The following TOR1AIP2 variants were observed in gnomAD, a reference collection of about 807,000 sequenced individuals.
The protein encoded by TOR1AIP2 is torsin 1A interacting protein 2.
TOR1AIP2 carries 20 observed loss-of-function variants against 32.6 expected under a neutral mutation model. That is an observed-to-expected ratio of 0.61 (90% confidence interval 0.43 to 0.89). TOR1AIP2 has a LOEUF of 0.89. TOR1AIP2 is among the 40% of genes least tolerant of loss of function. TOR1AIP2 has a pLI of 0.00. For synonymous variants in TOR1AIP2, 214 were observed against 210.8 expected (o/e 1.02, Z -0.13); for missense variants, 456 against 553.8 (o/e 0.82, Z 1.77).
At chr1:179,862,962 C>G (rs1030706431) in intron 3 of TOR1AIP2, 5 of 150,866 alleles carry the variant, frequency 3.3e-5, no homozygotes, top group Admixed American at 2.0e-4. Flanking sequence ...CACAGTGGCT[C>G]ATGCCTGTAA....
At chr1:179,871,009 A>G (rs1558029042) in intron 2 of TOR1AIP2, among the ~76,000 whole-genome samples, 1 of 152,256 alleles carries the variant, frequency 6.6e-6, no homozygotes, top group Admixed American at 6.5e-5. Flanking sequence ...CAGGACTTCT[A>G]GATGTCTAGG....
At chr1:179,857,218 G>A (rs978011196) in intron 3 of TOR1AIP2, among the ~76,000 whole-genome samples, 1 of 152,192 alleles carries the variant, frequency 6.6e-6, no homozygotes, top group African/African-American at 2.4e-5. Flanking sequence ...TGCTCTATAC[G>A]TGGCGGTTAT....
chr1:179,860,639 T>C, intron 3 of TOR1AIP2: 1 of 985,084 alleles, frequency 1.0e-6, no homozygotes, highest in Non-Finnish European at 1.2e-6. Flanking sequence ...CAGTATGAGG[T>C]AGGTATTATT....
At chr1:179,859,341 G>C (rs1334757929) in intron 3 of TOR1AIP2, 1 of 923,968 alleles carries the variant, frequency 1.1e-6, no homozygotes, top group Non-Finnish European at 1.3e-6. Context: ...ATACAGAAAA[G>C]TTAAGAACGT....
chr1:179,855,355 AAG>A (rs1407327263), intron 3 of TOR1AIP2, among the ~76,000 whole-genome samples: 1 of 152,236 alleles, frequency 6.6e-6, no homozygotes, highest in African/African-American at 2.4e-5. Context: ...AGAACACATA[AAG>A]AATTCCACAA....
In TOR1AIP2 at chr1:179,862,359, A is replaced by G. The variant is rs117982259; in HGVS notation, c.-147+3077T>C. 29 of 985,350 alleles carry G rather than the reference A, an allele frequency of 2.9e-5. No homozygotes were observed. In the East Asian group the frequency reaches 3.2e-3, roughly 108 times the overall value. 61.0% of individuals were successfully genotyped at this position (985,350 alleles called of 1,614,324 possible). A position where few individuals can be genotyped will look rare whatever the true frequency, so the allele number is the denominator to read the frequency against. ...TCTCGAAAGCACTCTCTCAAAGTAAATTTTCACTTTTTAGGAGGAGTTGTA... is the reference window on the plus strand; with the variant it reads ...TCTCGAAAGCACTCTCTCAAAGTAAGTTTTCACTTTTTAGGAGGAGTTGTA... On this transcript the variant is annotated intron_variant, in intron 3 of 6. Coordinates refer to ENST00000609928, the MANE Select transcript of TOR1AIP2 (RefSeq NM_001199260.2).
intron 5 of TOR1AIP2, among the ~76,000 whole-genome samples, chr1:179,849,600 G>C (rs1338728481): frequency 6.6e-6 from 1 of 151,824 alleles, no homozygotes; most frequent in African/African-American, 2.4e-5. Context: ...TTTAAGAGAT[G>C]GGATCTCACT....
At chr1:179,863,994 T>C in intron 3 of TOR1AIP2, 1 of 985,422 alleles carries the variant, frequency 1.0e-6, no homozygotes, top group Non-Finnish European at 1.2e-6. Flanking sequence ...ATAATTTCTT[T>C]TGTCATACAT....
In TOR1AIP2 at chr1:179,863,803, T is replaced by G. The variant is rs547997239; in HGVS notation, c.-147+1633A>C. 9 of 985,392 alleles carry G rather than the reference T, an allele frequency of 9.1e-6. No individual in the cohort carries two copies. The South Asian group carries it at 4.2e-4, about 46-fold the overall frequency. 61.0% of individuals were successfully genotyped at this position (985,392 alleles called of 1,614,324 possible). Reference sequence around the variant, plus strand: ...AGATACCTGGCATGTTAAGTGTAATTTAAAAATTGTTCAGTGGCCTTTGAG... The same window carrying G: ...AGATACCTGGCATGTTAAGTGTAATGTAAAAATTGTTCAGTGGCCTTTGAG... On this transcript the variant is annotated intron_variant, in intron 3 of 6. Transcript: ENST00000609928.
chr1:179,859,359 G>GAACA (rs1391734030), intron 3 of TOR1AIP2: 2 of 960,450 alleles, frequency 2.1e-6, no homozygotes, highest in East Asian at 2.3e-4. Flanking sequence ...CGTTACCCAA[G>GAACA]AACACGTGAC....
At chr1:179,868,312 C>A (rs1696869933) in intron 2 of TOR1AIP2, 1 of 152,092 alleles carries the variant, frequency 6.6e-6, no homozygotes, top group South Asian at 2.1e-4. Flanking sequence ...TTTATTTTGG[C>A]TATTTTTCTC....
intron 5 of TOR1AIP2, 95 bp from the exon 6 acceptor site, chr1:179,847,731 C>T (rs1695964440): frequency 6.8e-6 from 6 of 883,836 alleles, no homozygotes; most frequent in Non-Finnish European, 1.1e-5. Context: ...AATGATTTGA[C>T]TAAAAGGCTT....
At chr1:179,869,466 C>T (rs1055603748) in intron 2 of TOR1AIP2, among the ~76,000 whole-genome samples, 15 of 152,208 alleles carry the variant, frequency 9.9e-5, no homozygotes, top group Middle Eastern at 3.2e-3. Flanking sequence ...TAATAGCTTA[C>T]AGCATCTCTA....
rs1235113931 is a variant in TOR1AIP2 at position 179,845,388 on chromosome 1, T to C, written c.*683A>G. ...CCAATTGGAATTTCTTCATTTCCAATGATTATAAACAATTTCCCCACTGGT... is the reference window on the plus strand; with the variant it reads ...CCAATTGGAATTTCTTCATTTCCAACGATTATAAACAATTTCCCCACTGGT... On this transcript the variant is annotated 3_prime_UTR_variant, in exon 7 of 7. Transcript: ENST00000609928. The C allele has an allele frequency of 6.6e-6, 1 of 152,224 alleles. No individual in the cohort carries two copies. Among genetic ancestry groups the C allele is most frequent in the Admixed American group, 6.5e-5 (1 of 15,292 alleles). The allele number at this position is 152,224 out of a possible 1,614,324, so 9.4% of individuals were successfully genotyped here. A position where few individuals can be genotyped will look rare whatever the true frequency, so the allele number is the denominator to read the frequency against.
Position 179,846,213 on chromosome 1 carries a change from G to A in TOR1AIP2, c.1271C>T (p.Ala424Val), listed in dbSNP as rs776099487. The A allele has an allele frequency of 1.4e-5, 22 of 1,614,050 alleles. No individual in the cohort carries two copies. In the South Asian group the frequency reaches 2.1e-4, roughly 15 times the overall value. Reference sequence around the variant, plus strand: ...GGGAGTGTCAGAGTTGGTAAACTTGGCCCAGAGTAAGTCTCTCACTTTTTC... The same window carrying A: ...GGGAGTGTCAGAGTTGGTAAACTTGACCCAGAGTAAGTCTCTCACTTTTTC... ...TEEKVRDLLWAKFTNSDTPTS... is the reference protein window; with the variant it reads ...TEEKVRDLLWVKFTNSDTPTS... Residue 424 changes from alanine (A) to valine (V), a missense_variant, in exon 7 of 7, where the codon GCC becomes GTC. By Grantham distance (64) the Ala-to-Val change is moderately conservative. Coordinates refer to ENST00000609928, the MANE Select transcript of TOR1AIP2 (RefSeq NM_001199260.2).
At chr1:179,854,605 C>T (rs1241089324) in intron 3 of TOR1AIP2, among the ~76,000 whole-genome samples, 1 of 152,202 alleles carries the variant, frequency 6.6e-6, no homozygotes, top group Non-Finnish European at 1.5e-5. Flanking sequence ...CACGGTGGCT[C>T]ATGCCTGTAA....
chr1:179,862,471 A>AT (rs1696581148), intron 3 of TOR1AIP2: 1 of 985,374 alleles, frequency 1.0e-6, no homozygotes, highest in African/African-American at 1.7e-5. Flanking sequence ...ATTCAGCAAT[A>AT]TAACAGGAGA....
At chr1:179,847,681 T>C (rs7531195) in intron 5 of TOR1AIP2, 45 bp from the exon 6 acceptor site, 3 of 1,232,626 alleles carry the variant, frequency 2.4e-6, no homozygotes, top group Non-Finnish European at 3.6e-6. Flanking sequence ...AGTACACTAA[T>C]GACAGTATGT....
intron 5 of TOR1AIP2, among the ~76,000 whole-genome samples, chr1:179,848,398 G>C (rs1234029701): frequency 1.3e-5 from 2 of 152,182 alleles, no homozygotes; most frequent in African/African-American, 4.8e-5. Context: ...TCTAAGATAG[G>C]AGAGATTAGT....
Sources: allele counts gnomAD v4.1 joint callset (sites outside exome capture counted in the v4.1 genomes callset), GRCh38; gene constraint gnomAD v4.1.1; transcripts MANE v1.5; gene names NCBI Gene and HGNC (gene_info 2026-07-23, HGNC 2026-07-21).